FRMPD4: variants seen among roughly 807,000 people sequenced by gnomAD.
The protein encoded by FRMPD4 is FERM and PDZ domain containing 4.
A neutral mutation model predicts 94.1 loss-of-function variants in FRMPD4; 22 were observed. That is an observed-to-expected ratio of 0.23 (90% CI 0.17 to 0.33). The LOEUF is 0.33. FRMPD4 is among the 10% of genes least tolerant of loss of function. The pLI is 1.00. For missense variants in FRMPD4, 1,111 were observed against 1,339.9 expected (o/e 0.83, Z 2.67); for synonymous variants, 631 against 548.6 (o/e 1.15, Z -2.10).
intron 2 of FRMPD4, among the ~76,000 whole-genome samples, chrX:12,519,771 T>C: frequency 8.9e-6 from 1 of 112,406 alleles, no homozygotes; most frequent in South Asian, 3.7e-4. Context: ...TCTTCAAAGA[T>C]GATAAATGAC....
intron 3 of FRMPD4, among the ~76,000 whole-genome samples, chrX:12,012,486 C>T (rs1236151455): frequency 8.9e-6 from 1 of 111,883 alleles, no homozygotes; most frequent in Non-Finnish European, 1.9e-5. Context: ...ATTTGTTTAA[C>T]ATTTTTTCTT....
intron 2 of FRMPD4, among the ~76,000 whole-genome samples, chrX:12,594,088 A>T (rs5978554): frequency 0.23 from 24,900 of 109,163 alleles, 2,624 homozygotes; most frequent in African/African-American, 0.4. Flanking sequence ...CAAGTTCTTT[A>T]TTGTGTATAT....
intron 3 of FRMPD4, among the ~76,000 whole-genome samples, chrX:12,120,936 T>C (rs1014119764): frequency 1.4e-4 from 15 of 109,766 alleles, no homozygotes; most frequent in Admixed American, 3.0e-4. Flanking sequence ...ATCCTGGGAG[T>C]CCTTTAAACT....
At chrX:12,287,409 C>T in intron 1 of FRMPD4, among the ~76,000 whole-genome samples, 1 of 111,606 alleles carries the variant, frequency 9.0e-6, no homozygotes. Flanking sequence ...AATTGGGAGC[C>T]TTGTCAGAAT....
chrX:12,604,138 C>A (rs1376267694), intron 2 of FRMPD4, among the ~76,000 whole-genome samples: 3 of 107,905 alleles, frequency 2.8e-5, no homozygotes, highest in Non-Finnish European at 1.9e-5. Context: ...AAAAAAAAAA[C>A]CAATGAAGAA....
chrX:12,467,786 A>T (rs768431215), intron 1 of FRMPD4, among the ~76,000 whole-genome samples: 21 of 112,177 alleles, frequency 1.9e-4, no homozygotes, highest in Non-Finnish European at 2.8e-4. Flanking sequence ...GAAAACATGC[A>T]TGCTGTTCTA....
At chrX:12,681,591 C>T (rs59372745) in intron 5 of FRMPD4, among the ~76,000 whole-genome samples, 1 of 110,519 alleles carries the variant, frequency 9.0e-6, no homozygotes, top group Admixed American at 9.7e-5. Flanking sequence ...TCCATTTATC[C>T]AGTCTTCTAA....
intron 2 of FRMPD4, among the ~76,000 whole-genome samples, chrX:12,573,111 G>A (rs990510750): frequency 1.8e-5 from 2 of 111,844 alleles, no homozygotes; most frequent in East Asian, 5.6e-4. Flanking sequence ...TGCTAAAGAA[G>A]TATATTTAAG....
At chrX:12,216,926 C>A (rs1008272422) in intron 1 of FRMPD4, among the ~76,000 whole-genome samples, 5 of 111,752 alleles carry the variant, frequency 4.5e-5, no homozygotes, top group Non-Finnish European at 7.5e-5. Context: ...TCTTTCCTCC[C>A]TGTGTCTAAG....
chrX:12,095,558 A>G (rs1434861017), intron 3 of FRMPD4, among the ~76,000 whole-genome samples: 1 of 111,061 alleles, frequency 9.0e-6, no homozygotes, highest in East Asian at 2.8e-4. Flanking sequence ...GTTGCCCACA[A>G]AGCCTAAAAT....
intron 1 of FRMPD4, among the ~76,000 whole-genome samples, chrX:12,264,596 G>A (rs1385933415): frequency 8.9e-6 from 1 of 112,366 alleles, no homozygotes; most frequent in Non-Finnish European, 1.9e-5. Context: ...TAAGTGAGAT[G>A]TAAGTGTAGG....
chrX:12,082,841 C>G (rs2055073461), intron 3 of FRMPD4, among the ~76,000 whole-genome samples: 1 of 111,474 alleles, frequency 9.0e-6, no homozygotes, highest in African/African-American at 3.3e-5. Flanking sequence ...ATTGGTGGAA[C>G]TTTGAAATTG....
intron 1 of FRMPD4, among the ~76,000 whole-genome samples, chrX:12,432,011 G>T (rs1284419514): frequency 1.8e-5 from 2 of 112,023 alleles, no homozygotes; most frequent in Admixed American, 1.9e-4. Context: ...GCCCCTCCCT[G>T]CCTGCCTTAA....
intron 3 of FRMPD4, among the ~76,000 whole-genome samples, chrX:11,964,117 C>G (rs1008320764): frequency 4.5e-5 from 5 of 110,725 alleles, no homozygotes; most frequent in African/African-American, 1.6e-4. Flanking sequence ...CTACTTGAAT[C>G]AGAATCTGAG....
intron 4 of FRMPD4, among the ~76,000 whole-genome samples, chrX:12,655,039 A>C (rs1284696317): frequency 3.9e-4 from 44 of 112,320 alleles, no homozygotes; most frequent in Admixed American, 3.8e-3. Flanking sequence ...TAATTTGTGT[A>C]GTACACTGTA....
intron 1 of FRMPD4, among the ~76,000 whole-genome samples, chrX:12,480,033 G>A: frequency 9.0e-6 from 1 of 110,573 alleles, no homozygotes; most frequent in Non-Finnish European, 1.9e-5. Context: ...AGAAGAGCCT[G>A]CCAGAAAGAG....
At chrX:12,056,314 G>T (rs1220223464) in intron 3 of FRMPD4, among the ~76,000 whole-genome samples, 1 of 111,655 alleles carries the variant, frequency 9.0e-6, no homozygotes, top group Non-Finnish European at 1.9e-5. Context: ...ATGGACAGTT[G>T]TACAGAAATA....
At chrX:12,629,193 C>A (rs1212303094) in intron 4 of FRMPD4, among the ~76,000 whole-genome samples, 1 of 112,321 alleles carries the variant, frequency 8.9e-6, no homozygotes, top group African/African-American at 3.2e-5. Context: ...ACAGCTTTTA[C>A]CCTCAGTTTC....
chrX:11,987,124 A>C (rs1325429540), intron 3 of FRMPD4, among the ~76,000 whole-genome samples: 2 of 96,996 alleles, frequency 2.1e-5, no homozygotes, highest in Admixed American at 1.1e-4. Flanking sequence ...AAAAAAAAAA[A>C]AAAAACAACT....
Sources: allele counts gnomAD v4.1 joint callset (sites outside exome capture counted in the v4.1 genomes callset), GRCh38; gene constraint gnomAD v4.1.1; transcripts MANE v1.5; gene names NCBI Gene and HGNC (gene_info 2026-07-23, HGNC 2026-07-21).